CAMK1D: variants seen among roughly 807,000 people sequenced by gnomAD.
CAMK1D encodes calcium/calmodulin dependent protein kinase ID.
CAMK1D carries 9 observed loss-of-function variants against 47.7 expected under a neutral mutation model. That is an observed-to-expected ratio of 0.19 (90% CI 0.11 to 0.33). The LOEUF (loss-of-function observed/expected upper bound fraction) is 0.33, where lower values mean the gene tolerates loss of function less well. Among genes scored for constraint, CAMK1D ranks in the 10% least tolerant of loss-of-function variants. The pLI is 1.00. For missense variants in CAMK1D, 291 were observed against 488.7 expected, an observed-to-expected ratio of 0.60 and a Z score of 3.81; for synonymous variants, 184 against 184.9, an observed-to-expected ratio of 0.99 and a Z score of 0.04.
At chr10:12,723,467 A>G (rs1022580843) in intron 3 of CAMK1D, among the ~76,000 whole-genome samples, 5 of 152,174 alleles carry the variant, frequency 3.3e-5, no homozygotes, top group African/African-American at 1.2e-4. Flanking sequence ...AAGGTTATCT[A>G]CTTAAGGAAG....
At chr10:12,429,053 A>C (rs765182625) in intron 1 of CAMK1D, among the ~76,000 whole-genome samples, 19 of 152,072 alleles carry the variant, frequency 1.2e-4, no homozygotes, top group African/African-American at 4.6e-4. Flanking sequence ...GATGACACTC[A>C]CTTTGGCCAG....
intron 1 of CAMK1D, among the ~76,000 whole-genome samples, chr10:12,530,553 A>G (rs1460076484): frequency 2.0e-5 from 3 of 152,192 alleles, no homozygotes; most frequent in Non-Finnish European, 4.4e-5. Context: ...GTGCAGTCTA[A>G]CCAATGGAGA....
intron 1 of CAMK1D, among the ~76,000 whole-genome samples, chr10:12,361,248 G>GCTTTTTTTT (rs1837650741): frequency 8.3e-6 from 1 of 120,078 alleles, no homozygotes; most frequent in Admixed American, 8.7e-5. Flanking sequence ...CTATTTGACT[G>GCTTTTTTTT]TTTTTTTTTT....
chr10:12,420,012 C>A (rs1452749395), intron 1 of CAMK1D, among the ~76,000 whole-genome samples: 1 of 151,488 alleles, frequency 6.6e-6, no homozygotes, highest in African/African-American at 2.4e-5. Context: ...CAGGCTGAAG[C>A]ACAGTGTCGA....
In CAMK1D at chr10:12,573,395, G is replaced by A. The variant is rs190139289; in HGVS notation, c.224+20039G>A. On this transcript the variant is annotated intron_variant, in intron 2 of 10. Transcript: ENST00000619168. ...GGTTGACTTACACTGGTGGGTTACC[G>A]CTAGCATTGCCGAGATGCACTGCAG... is the stretch of plus-strand genomic sequence containing the variant. Among the ~76,000 whole-genome samples, 64 of 152,320 alleles carry A rather than the reference G, an allele frequency of 4.2e-4. 1 individual carries two copies. Among genetic ancestry groups the A allele is most frequent in the Admixed American group, 1.0e-3 (16 of 15,296 alleles).
chr10:12,388,644 G>A (rs1040964553), intron 1 of CAMK1D, among the ~76,000 whole-genome samples: 2 of 152,142 alleles, frequency 1.3e-5, no homozygotes, highest in Non-Finnish European at 1.5e-5. Context: ...AAAACACATC[G>A]CACCTGACAT....
At chr10:12,389,583 C>G (rs1838649923) in intron 1 of CAMK1D, among the ~76,000 whole-genome samples, 1 of 152,136 alleles carries the variant, frequency 6.6e-6, no homozygotes, top group African/African-American at 2.4e-5. Context: ...TCCCTACTCA[C>G]AGCAAGCAGA....
At chr10:12,514,586 T>G (rs1835134992) in intron 1 of CAMK1D, among the ~76,000 whole-genome samples, 1 of 152,224 alleles carries the variant, frequency 6.6e-6, no homozygotes, top group Non-Finnish European at 1.5e-5. Context: ...GGATTTCAGC[T>G]CGTAGTTTGG....
At chr10:12,488,770 G>A (rs746414313) in intron 1 of CAMK1D, among the ~76,000 whole-genome samples, 46 of 152,188 alleles carry the variant, frequency 3.0e-4, no homozygotes, top group Non-Finnish European at 6.0e-4. Context: ...GATCCCTCGC[G>A]TGCGCAGTTC....
intron 3 of CAMK1D, among the ~76,000 whole-genome samples, chr10:12,731,515 G>A (rs181613707): frequency 3.4e-4 from 52 of 152,350 alleles, no homozygotes; most frequent in African/African-American, 1.2e-3. Flanking sequence ...GTCTGTACAT[G>A]TTTCCACCTC....
In CAMK1D at chr10:12,380,082, GC is replaced by G. The variant is rs545205698; in HGVS notation, c.92+30173del. Among the ~76,000 whole-genome samples, 17 of 152,112 alleles carry G rather than the reference GC, an allele frequency of 1.1e-4. No individual in the cohort carries two copies. In the South Asian group the frequency reaches 3.5e-3, roughly 32 times the overall value. ...GCAAAAAAATTAGCCGGGCGTGGTG[GC>G]GGGTGACTGTAGTCCCTGCTACTCG... On this transcript the variant is annotated intron_variant, in intron 1 of 10. Coordinates refer to ENST00000619168, the MANE Select transcript of CAMK1D (RefSeq NM_153498.4).
intron 1 of CAMK1D, among the ~76,000 whole-genome samples, chr10:12,539,949 G>C (rs1836111365): frequency 6.6e-6 from 1 of 152,124 alleles, no homozygotes; most frequent in Admixed American, 6.5e-5. Flanking sequence ...GTCTCACTCT[G>C]TCACACTGTA....
At chr10:12,766,594 A>G (rs1349154783) in intron 4 of CAMK1D, among the ~76,000 whole-genome samples, 1 of 152,074 alleles carries the variant, frequency 6.6e-6, no homozygotes, top group African/African-American at 2.4e-5. Context: ...GTTAGAAAAA[A>G]AAATAATAAT....
intron 1 of CAMK1D, among the ~76,000 whole-genome samples, chr10:12,488,847 C>T (rs1314554976): frequency 1.3e-5 from 2 of 152,154 alleles, no homozygotes; most frequent in African/African-American, 4.8e-5. Context: ...GGAGCTCAGG[C>T]GGTGATGCGA....
chr10:12,793,821 G>T (rs1409205079), intron 6 of CAMK1D, among the ~76,000 whole-genome samples: 1 of 152,234 alleles, frequency 6.6e-6, no homozygotes, highest in Admixed American at 6.5e-5. Context: ...AAACGTGTTG[G>T]CAGTAGGCAA....
Position 12,797,690 on chromosome 10 carries a change from A to G in CAMK1D, c.641+6457A>G, listed in dbSNP as rs550870204. ...TGCATTTCGGTTTGGCTGCTTTCCA[A>G]GGGTTTTCAGAAAGGACCTCGTCTC... On this transcript the variant is annotated intron_variant, in intron 6 of 10. Transcript: ENST00000619168. Among the ~76,000 whole-genome samples, 354 of 152,200 alleles carry G rather than the reference A, an allele frequency of 2.3e-3. 1 individual carries two copies. The highest frequency in any genetic ancestry group is 8.0e-3 in the African/African-American group (333 of 41,508).
intron 1 of CAMK1D, among the ~76,000 whole-genome samples, chr10:12,552,250 G>T (rs767599588): frequency 6.6e-6 from 1 of 152,222 alleles, no homozygotes; most frequent in Non-Finnish European, 1.5e-5. Context: ...TGCCGTTGCA[G>T]AGTGAAATGT....
chr10:12,544,574 TAAATC>T (rs1258857276), intron 1 of CAMK1D, among the ~76,000 whole-genome samples: 1 of 152,250 alleles, frequency 6.6e-6, no homozygotes, highest in Non-Finnish European at 1.5e-5. Flanking sequence ...TGTTTTAAAA[TAAATC>T]AGGAAGGACT....
chr10:12,781,970 TTG>T (rs1041170168), intron 5 of CAMK1D, among the ~76,000 whole-genome samples: 5 of 114,132 alleles, frequency 4.4e-5, no homozygotes, highest in African/African-American at 1.7e-4. Context: ...TTTAATTTAA[TTG>T]TTTTTTTTTT....
Sources: allele counts gnomAD v4.1 joint callset (sites outside exome capture counted in the v4.1 genomes callset), GRCh38; gene constraint gnomAD v4.1.1; transcripts MANE v1.5; gene names NCBI Gene and HGNC (gene_info 2026-07-23, HGNC 2026-07-21).